The following FHOD3 variants were observed in gnomAD, a reference collection of about 807,000 sequenced individuals.
FHOD3 encodes the protein FH1/FH2 domain-containing protein 3.
In FHOD3, 90 loss-of-function variants were observed where a neutral mutation model predicts 173.0. The observed-to-expected ratio is 0.52, with a 90% confidence interval of 0.44 to 0.62. The LOEUF is 0.62. FHOD3 is among the 20% of genes least tolerant of loss of function. FHOD3 has a pLI of 0.00. For synonymous variants in FHOD3, 828 were observed against 823.0 expected, an observed-to-expected ratio of 1.01 and a Z score of -0.10; for missense variants, 1,945 against 2,034.7, an observed-to-expected ratio of 0.96 and a Z score of 0.85.
chr18:36,758,240 C>T (rs1202986363), intron 25 of FHOD3, among the ~76,000 whole-genome samples: 1 of 152,158 alleles, frequency 6.6e-6, no homozygotes, highest in Non-Finnish European at 1.5e-5. Flanking sequence ...TTTTAACTTC[C>T]AAAAGCATAG....
intron 1 of FHOD3, among the ~76,000 whole-genome samples, chr18:36,308,603 G>C (rs1018128894): frequency 1.3e-5 from 2 of 152,064 alleles, no homozygotes; most frequent in African/African-American, 2.4e-5. Flanking sequence ...AGACACACCC[G>C]GGCTGTGCAC....
chr18:36,523,087 C>A (rs2056351009), intron 5 of FHOD3, among the ~76,000 whole-genome samples: 1 of 152,210 alleles, frequency 6.6e-6, no homozygotes, highest in African/African-American at 2.4e-5. Context: ...GCCCCCCAAC[C>A]ACACTGGAGT....
At chr18:36,730,354 A>G (rs2149911595) in intron 19 of FHOD3, among the ~76,000 whole-genome samples, 2 of 152,298 alleles carry the variant, frequency 1.3e-5, no homozygotes, top group South Asian at 4.1e-4. Flanking sequence ...GCTTCTATGG[A>G]AAAAACAGAT....
chr18:36,613,153 C>G (rs1383865590), intron 9 of FHOD3, among the ~76,000 whole-genome samples: 1 of 152,332 alleles, frequency 6.6e-6, no homozygotes. Context: ...AACATACTTA[C>G]CTTGTACTCA....
At chr18:36,701,056 C>T (rs867729851) in intron 17 of FHOD3, among the ~76,000 whole-genome samples, 15 of 152,342 alleles carry the variant, frequency 9.8e-5, no homozygotes, top group African/African-American at 3.1e-4. Context: ...GGGCAGGGCA[C>T]GTGCCTGTGC....
intron 1 of FHOD3, among the ~76,000 whole-genome samples, chr18:36,341,818 T>C (rs998119942): frequency 6.6e-6 from 1 of 152,192 alleles, no homozygotes; most frequent in Non-Finnish European, 1.5e-5. Context: ...AAGGAAAACA[T>C]TATCCAGGAC....
intron 4 of FHOD3, among the ~76,000 whole-genome samples, chr18:36,505,979 A>G (rs1239946283): frequency 6.6e-6 from 1 of 152,230 alleles, no homozygotes; most frequent in African/African-American, 2.4e-5. Context: ...ACAAAAAGCC[A>G]TGGATCACCA....
At chr18:36,574,744 G>C (rs2058583722) in intron 5 of FHOD3, among the ~76,000 whole-genome samples, 1 of 151,882 alleles carries the variant, frequency 6.6e-6, no homozygotes, top group African/African-American at 2.4e-5. Flanking sequence ...CTATAGCAGT[G>C]TTAAATAATC....
chr18:36,690,146 C>CT (rs1469900819), intron 16 of FHOD3, among the ~76,000 whole-genome samples: 1 of 152,128 alleles, frequency 6.6e-6, no homozygotes, highest in African/African-American at 2.4e-5. Context: ...ACTGTGAGCT[C>CT]TGTGAGGGTG....
chr18:36,763,644 G>A (rs2043018434), intron 27 of FHOD3, among the ~76,000 whole-genome samples: 1 of 148,158 alleles, frequency 6.7e-6, no homozygotes. Flanking sequence ...TAATATATGT[G>A]TATTATACAC....
chr18:36,573,150 C>CT (rs60486589), intron 5 of FHOD3, among the ~76,000 whole-genome samples: 41,151 of 140,626 alleles, frequency 0.29, 5,930 homozygotes, highest in South Asian at 0.37. Context: ...TATTTTTGTT[C>CT]TTTTTTTTTT....
intron 5 of FHOD3, among the ~76,000 whole-genome samples, chr18:36,550,834 G>A (rs553746361): frequency 7.0e-4 from 107 of 151,996 alleles, no homozygotes; most frequent in African/African-American, 2.5e-3. Flanking sequence ...GATTCCATAG[G>A]ATCTTCTCAG....
At chr18:36,429,376 G>C (rs867693568) in intron 3 of FHOD3, among the ~76,000 whole-genome samples, 9 of 152,204 alleles carry the variant, frequency 5.9e-5, no homozygotes, top group African/African-American at 1.9e-4. Flanking sequence ...GAGATTTAGA[G>C]CCCCAGCAAT....
intron 19 of FHOD3, among the ~76,000 whole-genome samples, chr18:36,725,961 A>C (rs990013000): frequency 2.6e-5 from 4 of 151,936 alleles, no homozygotes; most frequent in African/African-American, 9.7e-5. Context: ...ATTATATCTA[A>C]CTCTACATTT....
chr18:36,609,200 G>A (rs758167408), intron 8 of FHOD3, among the ~76,000 whole-genome samples: 1 of 152,214 alleles, frequency 6.6e-6, no homozygotes, highest in Non-Finnish European at 1.5e-5. Context: ...GAGGGTGAAG[G>A]CATCAGGAAA....
chr18:36,428,923 G>A (rs1454703420), intron 3 of FHOD3, among the ~76,000 whole-genome samples: 2 of 152,166 alleles, frequency 1.3e-5, no homozygotes, highest in Non-Finnish European at 2.9e-5. Context: ...ATGACAGTGT[G>A]GGCTGGCTAG....
At chr18:36,351,069 G>T (rs2046102694) in intron 1 of FHOD3, among the ~76,000 whole-genome samples, 1 of 152,078 alleles carries the variant, frequency 6.6e-6, no homozygotes, top group Non-Finnish European at 1.5e-5. Context: ...GGGTTTGTGT[G>T]GTGGATGGCT....
chr18:36,657,240 T>C (rs1008372976), intron 13 of FHOD3, among the ~76,000 whole-genome samples: 1 of 152,188 alleles, frequency 6.6e-6, no homozygotes, highest in African/African-American at 2.4e-5. Flanking sequence ...TGGGTAGATT[T>C]GCGAGGCAAA....
chr18:36,721,749 TC>T (rs1402778554), intron 19 of FHOD3, among the ~76,000 whole-genome samples: 3 of 152,220 alleles, frequency 2.0e-5, no homozygotes, highest in Non-Finnish European at 4.4e-5. Context: ...CTGTTTCTAA[TC>T]CTTGACTGTG....
Sources: allele counts gnomAD v4.1 joint callset (sites outside exome capture counted in the v4.1 genomes callset), GRCh38; gene constraint gnomAD v4.1.1; transcripts MANE v1.5; gene names NCBI Gene and HGNC (gene_info 2026-07-23, HGNC 2026-07-21).